CREB5: variants seen among roughly 807,000 people sequenced by gnomAD.
The protein encoded by CREB5 is cAMP responsive element binding protein 5.
A neutral mutation model predicts 57.1 loss-of-function variants in CREB5; 19 were observed. The observed-to-expected ratio is 0.33, with a 90% confidence interval of 0.23 to 0.49. The LOEUF is 0.49. CREB5 is among the 20% of genes least tolerant of loss of function. CREB5 has a pLI of 0.99. For missense variants in CREB5, 579 were observed against 671.6 expected (o/e 0.86, Z 1.52); for synonymous variants, 238 against 238.3 (o/e 1.00, Z 0.01).
intron 5 of CREB5, among the ~76,000 whole-genome samples, chr7:28,695,410 T>G (rs965523472): frequency 3.9e-5 from 6 of 152,126 alleles, no homozygotes; most frequent in Admixed American, 3.3e-4. Context: ...TGCAGTCCCT[T>G]TTTGAATTCT....
chr7:28,632,869 C>T (rs1167820625), intron 5 of CREB5, among the ~76,000 whole-genome samples: 2 of 152,110 alleles, frequency 1.3e-5, no homozygotes, highest in African/African-American at 2.4e-5. Flanking sequence ...CTACCTCCTC[C>T]ACTAAAATAG....
intron 5 of CREB5, chr7:28,686,290 C>CTCCTCT (rs1159404576): frequency 5.7e-6 from 5 of 884,012 alleles, no homozygotes; most frequent in Non-Finnish European, 9.2e-6. Flanking sequence ...CCTCCTCCTC[C>CTCCTCT]TCCTCTTCAT....
intron 1 of CREB5, among the ~76,000 whole-genome samples, chr7:28,375,304 A>G (rs1786801802): frequency 6.6e-6 from 1 of 152,182 alleles, no homozygotes; most frequent in South Asian, 2.1e-4. Flanking sequence ...GTGGGATCTA[A>G]TAATCAAAAC....
In CREB5 at chr7:28,822,489, A is replaced by G. The variant is rs535815897; in HGVS notation, c.*3210A>G. On this transcript the variant is annotated 3_prime_UTR_variant, in exon 11 of 11. Transcript: ENST00000357727. ...CACCCATCCATGTGTTCATGAATCA[A>G]TCATCACGGCCTGCAGAGCACCTGT... 33 of 152,686 alleles carry G rather than the reference A, an allele frequency of 2.2e-4. No homozygotes were observed. The highest frequency in any genetic ancestry group is 1.2e-3 in the Admixed American group (18 of 15,288). 9.5% of individuals were successfully genotyped at this position (152,686 alleles called of 1,614,324 possible).
At chr7:28,381,917 G>A (rs1023907244) in intron 1 of CREB5, among the ~76,000 whole-genome samples, 1 of 152,166 alleles carries the variant, frequency 6.6e-6, no homozygotes, top group African/African-American at 2.4e-5. Context: ...GTTTTGTTAC[G>A]GGAATTGGCT....
At chr7:28,602,307 A>G (rs1796949789) in intron 5 of CREB5, among the ~76,000 whole-genome samples, 1 of 152,112 alleles carries the variant, frequency 6.6e-6, no homozygotes, top group Admixed American at 6.6e-5. Context: ...TTGTACTTAT[A>G]GTAGAGCCAG....
At chr7:28,307,561 A>G (rs7783193) in intron 1 of CREB5, among the ~76,000 whole-genome samples, 4,361 of 152,336 alleles carry the variant, frequency 0.029, 172 homozygotes, top group African/African-American at 0.098. Context: ...GTGTTTTACT[A>G]TAGCAGCACA....
At chr7:28,402,497 C>T (rs1787490211) in intron 1 of CREB5, among the ~76,000 whole-genome samples, 1 of 152,270 alleles carries the variant, frequency 6.6e-6, no homozygotes, top group South Asian at 2.1e-4. Context: ...TGGAACAGAA[C>T]AGAGCCCTCA....
intron 5 of CREB5, among the ~76,000 whole-genome samples, chr7:28,646,535 G>A (rs959893429): frequency 2.0e-5 from 3 of 152,120 alleles, no homozygotes; most frequent in Non-Finnish European, 4.4e-5. Flanking sequence ...AGTGCAAAAG[G>A]TCATCCTCTG....
chr7:28,661,165 C>T (rs1317807624), intron 5 of CREB5, among the ~76,000 whole-genome samples: 1 of 152,116 alleles, frequency 6.6e-6, no homozygotes, highest in East Asian at 1.9e-4. Flanking sequence ...ATTTTTCTTC[C>T]TAGCCCCCAA....
At chr7:28,611,339 A>G (rs930421989) in intron 5 of CREB5, among the ~76,000 whole-genome samples, 12 of 151,784 alleles carry the variant, frequency 7.9e-5, no homozygotes, top group African/African-American at 2.9e-4. Flanking sequence ...AGTCACCTAA[A>G]TATTATTTAA....
chr7:28,496,246 T>A (rs531867315), intron 3 of CREB5, among the ~76,000 whole-genome samples: 93 of 152,338 alleles, frequency 6.1e-4, no homozygotes, highest in African/African-American at 2.1e-3. Context: ...AGCACTTCTC[T>A]CCTTAGCACA....
chr7:28,581,974 A>G (rs952799873), intron 5 of CREB5, among the ~76,000 whole-genome samples: 1 of 152,158 alleles, frequency 6.6e-6, no homozygotes, highest in Non-Finnish European at 1.5e-5. Context: ...TTTTGCTATT[A>G]CCCTTTGCAC....
chr7:28,809,510 CCA>C (rs1808975189), intron 9 of CREB5, 96 bp downstream of exon 9: 1 of 1,117,946 alleles, frequency 8.9e-7, no homozygotes, highest in Non-Finnish European at 1.3e-6. Context: ...AGCAGTGATA[CCA>C]CACACTTAGT....
chr7:28,565,640 G>A (rs556569795), intron 4 of CREB5, among the ~76,000 whole-genome samples: 77 of 152,256 alleles, frequency 5.1e-4, no homozygotes, highest in African/African-American at 1.9e-3. Context: ...TTGAAATTAT[G>A]CCCTCTGGCT....
In CREB5 at chr7:28,636,118, A is replaced by T. The variant is rs1227931487; in HGVS notation, c.464+65581A>T. Among the ~76,000 whole-genome samples, 3 of 152,158 alleles carry T rather than the reference A, an allele frequency of 2.0e-5. No individual in the cohort carries two copies. The East Asian group carries it at 5.8e-4, about 29-fold the overall frequency. On this transcript the variant is annotated intron_variant, in intron 5 of 10. Coordinates refer to ENST00000357727, the MANE Select transcript of CREB5 (RefSeq NM_182898.4). ...TTAAGTTGAGTGTGCTGTTCTTTTTATATTTTCATATTCTTTTCTAATAAT... is the reference window on the plus strand; with the variant it reads ...TTAAGTTGAGTGTGCTGTTCTTTTTTTATTTTCATATTCTTTTCTAATAAT...
chr7:28,741,943 G>A (rs1804376984), intron 7 of CREB5, among the ~76,000 whole-genome samples: 1 of 151,810 alleles, frequency 6.6e-6, no homozygotes, highest in Non-Finnish European at 1.5e-5. Context: ...GTGTGCGCCT[G>A]TAGTCCCAGC....
At chr7:28,518,225 C>T (rs116326445) in intron 4 of CREB5, among the ~76,000 whole-genome samples, 195 of 152,292 alleles carry the variant, frequency 1.3e-3, no homozygotes, top group African/African-American at 4.6e-3. Flanking sequence ...CTGACCGAAT[C>T]CTGCCTGAGT....
chr7:28,735,036 A>T (rs1047530649), intron 7 of CREB5, among the ~76,000 whole-genome samples: 1 of 152,134 alleles, frequency 6.6e-6, no homozygotes, highest in African/African-American at 2.4e-5. Context: ...CAGCTTCACC[A>T]CCTTACTTTA....
Sources: allele counts gnomAD v4.1 joint callset (sites outside exome capture counted in the v4.1 genomes callset), GRCh38; gene constraint gnomAD v4.1.1; transcripts MANE v1.5; gene names NCBI Gene and HGNC (gene_info 2026-07-23, HGNC 2026-07-21).